Variants in ARL15 observed in about 807,000 individuals in gnomAD.
The protein encoded by ARL15 is ARF like GTPase 15.
Under a neutral mutation model 25.2 loss-of-function variants are expected in ARL15, and 19 were observed. The observed-to-expected ratio is 0.75, with a 90% CI of 0.53 to 1.10. ARL15 has a LOEUF of 1.10. Ranked by LOEUF, ARL15 falls within the 50% of genes least tolerant of loss-of-function variation. The pLI, the probability that ARL15 is intolerant of heterozygous loss-of-function variation, is 0.00. For missense variants in ARL15, 220 were observed against 246.0 expected, an observed-to-expected ratio of 0.89 and a Z score of 0.71; for synonymous variants, 94 against 86.8, an observed-to-expected ratio of 1.08 and a Z score of -0.46.
chr5:54,295,398 G>A (rs1758440392), intron 1 of ARL15, among the ~76,000 whole-genome samples: 1 of 152,048 alleles, frequency 6.6e-6, no homozygotes. Context: ...CACAAAAATT[G>A]CAGCCTACAT....
chr5:53,961,261 G>T (rs1747357189), intron 4 of ARL15, among the ~76,000 whole-genome samples: 1 of 151,916 alleles, frequency 6.6e-6, no homozygotes, highest in Non-Finnish European at 1.5e-5. Context: ...TCCTTGGGGG[G>T]CCAAGGTGGG....
At chr5:54,117,370 TACACACACACACACAC>T (rs71600803) in intron 3 of ARL15, among the ~76,000 whole-genome samples, 1 of 143,782 alleles carries the variant, frequency 7.0e-6, no homozygotes, top group East Asian at 2.1e-4. Flanking sequence ...GTGAGACACA[TACACACACACACACAC>T]ACACACACAC....
At chr5:54,248,484 T>C (rs898905013) in intron 1 of ARL15, among the ~76,000 whole-genome samples, 10 of 152,246 alleles carry the variant, frequency 6.6e-5, no homozygotes, top group Non-Finnish European at 1.2e-4. Flanking sequence ...CTCCACTGTC[T>C]GCATGGCTTA....
chr5:54,175,149 C>T (rs780534384), intron 1 of ARL15, among the ~76,000 whole-genome samples: 1 of 152,166 alleles, frequency 6.6e-6, no homozygotes. Context: ...ATATTTTTGC[C>T]AAACACTCCA....
chr5:53,946,725 A>G (rs1276576360), intron 4 of ARL15, among the ~76,000 whole-genome samples: 1 of 152,130 alleles, frequency 6.6e-6, no homozygotes, highest in African/African-American at 2.4e-5. Flanking sequence ...CAATTTGGGG[A>G]AAATGGATCT....
intron 4 of ARL15, among the ~76,000 whole-genome samples, chr5:54,077,164 C>G (rs943236033): frequency 2.0e-5 from 3 of 152,164 alleles, no homozygotes; most frequent in African/African-American, 7.2e-5. Context: ...CTCTGACCTC[C>G]TTTTGGCTGG....
intron 1 of ARL15, among the ~76,000 whole-genome samples, chr5:54,302,449 G>A (rs113562014): frequency 0.018 from 2,714 of 152,032 alleles, 76 homozygotes; most frequent in African/African-American, 0.062. Flanking sequence ...GATTAAATTA[G>A]GTGATCCAAG....
chr5:54,247,408 GT>G (rs1466714531), intron 1 of ARL15, among the ~76,000 whole-genome samples: 1 of 151,956 alleles, frequency 6.6e-6, no homozygotes, highest in Admixed American at 6.6e-5. Context: ...TTGATGTGGG[GT>G]CGGCTGGTAG....
chr5:54,185,561 C>G (rs2112443253), intron 1 of ARL15, among the ~76,000 whole-genome samples: 1 of 152,244 alleles, frequency 6.6e-6, no homozygotes, highest in Non-Finnish European at 1.5e-5. Flanking sequence ...GATGTGCTCC[C>G]CAGTGATGTG....
intron 4 of ARL15, among the ~76,000 whole-genome samples, chr5:53,962,145 C>A (rs1402149957): frequency 2.0e-5 from 3 of 152,158 alleles, no homozygotes; most frequent in African/African-American, 7.2e-5. Flanking sequence ...ACAATGTTGA[C>A]AGGTATTACC....
chr5:54,063,129 A>C (rs867961311), intron 4 of ARL15, among the ~76,000 whole-genome samples: 324 of 152,254 alleles, frequency 2.1e-3, no homozygotes, highest in African/African-American at 7.4e-3. Context: ...GGGGGGAAAA[A>C]CCCCTAAACA....
intron 4 of ARL15, among the ~76,000 whole-genome samples, chr5:53,967,164 T>C (rs1326916807): frequency 6.6e-6 from 1 of 152,218 alleles, no homozygotes; most frequent in Non-Finnish European, 1.5e-5. Flanking sequence ...AGAGTCAGTG[T>C]TCAGTATATT....
At chr5:54,021,975 G>A (rs1749618020) in intron 4 of ARL15, among the ~76,000 whole-genome samples, 1 of 152,086 alleles carries the variant, frequency 6.6e-6, no homozygotes, top group South Asian at 2.1e-4. Flanking sequence ...AAGCCAGAAG[G>A]AAATGATGCA....
intron 4 of ARL15, among the ~76,000 whole-genome samples, chr5:54,046,267 G>A (rs1286329442): frequency 1.3e-5 from 2 of 152,168 alleles, no homozygotes; most frequent in Non-Finnish European, 2.9e-5. Context: ...GATCACATGA[G>A]GTCAGGAGTT....
At chr5:54,162,970 C>A (rs889016468) in intron 2 of ARL15, among the ~76,000 whole-genome samples, 5 of 152,170 alleles carry the variant, frequency 3.3e-5, no homozygotes, top group Non-Finnish European at 7.3e-5. Flanking sequence ...ACATCCATGT[C>A]TTATTCCTGA....
At chr5:53,946,209 T>C (rs953416419) in intron 4 of ARL15, among the ~76,000 whole-genome samples, 1 of 152,174 alleles carries the variant, frequency 6.6e-6, no homozygotes, top group Admixed American at 6.5e-5. Flanking sequence ...ATTCTAGCAC[T>C]TTGGGAGGCC....
At chr5:53,904,708 A>T (rs2111953808) in intron 4 of ARL15, among the ~76,000 whole-genome samples, 1 of 151,402 alleles carries the variant, frequency 6.6e-6, no homozygotes, top group East Asian at 1.9e-4. Flanking sequence ...TGGTATGTTT[A>T]AATTAAAATA....
intron 4 of ARL15, among the ~76,000 whole-genome samples, chr5:54,111,585 A>G (rs1030000814): frequency 6.6e-6 from 1 of 152,132 alleles, no homozygotes; most frequent in African/African-American, 2.4e-5. Context: ...CTTTAAAAGC[A>G]GAAAGAAAAA....
At chr5:54,301,417 G>C (rs890077474) in intron 1 of ARL15, among the ~76,000 whole-genome samples, 5 of 152,032 alleles carry the variant, frequency 3.3e-5, no homozygotes, top group Middle Eastern at 3.2e-3. Flanking sequence ...CACTAACCTC[G>C]GGATAGTGGT....
Sources: allele counts gnomAD v4.1 joint callset (sites outside exome capture counted in the v4.1 genomes callset), GRCh38; gene constraint gnomAD v4.1.1; transcripts MANE v1.5; gene names NCBI Gene and HGNC (gene_info 2026-07-23, HGNC 2026-07-21).